The following RABGEF1 variants were observed in gnomAD, a reference collection of about 807,000 sequenced individuals.
The protein encoded by RABGEF1 is rab5 GDP/GTP exchange factor.
In RABGEF1, 26 loss-of-function variants were observed where a neutral mutation model predicts 57.3. The observed-to-expected ratio is 0.45, with a 90% CI of 0.33 to 0.63. The LOEUF (loss-of-function observed/expected upper bound fraction) is 0.63, where lower values mean the gene tolerates loss of function less well. Ranked by LOEUF, RABGEF1 falls within the 20% of genes least tolerant of loss-of-function variation. RABGEF1 has a pLI of 0.02. For synonymous variants in RABGEF1, 185 were observed against 210.7 expected, an observed-to-expected ratio of 0.88 and a Z score of 1.06; for missense variants, 464 against 607.6, an observed-to-expected ratio of 0.76 and a Z score of 2.48.
At chr7:66,728,109 C>T (rs779710184) in intron 2 of RABGEF1, among the ~76,000 whole-genome samples, 1 of 152,160 alleles carries the variant, frequency 6.6e-6, no homozygotes, top group Admixed American at 6.5e-5. Flanking sequence ...CTCAGGGCTC[C>T]TTTGTGTCTG....
At chr7:66,707,164 G>T (rs1390704614) in intron 1 of RABGEF1, among the ~76,000 whole-genome samples, 2 of 152,208 alleles carry the variant, frequency 1.3e-5, no homozygotes, top group East Asian at 3.9e-4. Context: ...ATTAATTTCT[G>T]ATTTCATTCC....
chr7:66,741,995 AAG>A (rs1034024240), intron 1 of RABGEF1, among the ~76,000 whole-genome samples: 254 of 152,156 alleles, frequency 1.7e-3, no homozygotes, highest in African/African-American at 5.8e-3. Flanking sequence ...AAAAAAGAAA[AAG>A]AAAATTTGCC....
intron 2 of RABGEF1, among the ~76,000 whole-genome samples, chr7:66,729,524 T>A (rs191509977): frequency 6.6e-6 from 1 of 152,264 alleles, no homozygotes; most frequent in East Asian, 1.9e-4. Context: ...ACCTTTATCC[T>A]CACCTTCAAC....
rs547945777 is a variant in RABGEF1 at position 66,727,118 on chromosome 7, A to T, written c.-814-12878A>T. Among the ~76,000 whole-genome samples, 8 of 152,370 alleles carry T rather than the reference A, an allele frequency of 5.3e-5. No individual in the cohort carries two copies. The East Asian group carries it at 1.3e-3, about 26-fold the overall frequency. On this transcript the variant is annotated intron_variant and NMD_transcript_variant, in intron 2 of 9. Transcript: ENST00000607882. ...AAATGGGTGAATTGTATGGTGTGTG[A>T]ATTTTATTACAATAAAGCTATTCTT...
At chr7:66,706,153 C>G (rs62466141) in intron 1 of RABGEF1, among the ~76,000 whole-genome samples, 1 of 151,670 alleles carries the variant, frequency 6.6e-6, no homozygotes, top group South Asian at 2.1e-4. Context: ...CCACCCGCCT[C>G]GGCCTCGCAA....
upstream of RABGEF1, among the ~76,000 whole-genome samples, chr7:66,738,148 G>A (rs1798266657): frequency 6.6e-6 from 1 of 151,816 alleles, no homozygotes; most frequent in Admixed American, 6.6e-5. Context: ...GGCCTCCAGA[G>A]TAGCTGGGAT....
chr7:66,710,375 G>A (rs1794635366), intron 1 of RABGEF1, among the ~76,000 whole-genome samples: 1 of 152,190 alleles, frequency 6.6e-6, no homozygotes, highest in African/African-American at 2.4e-5. Context: ...ATGGACACAT[G>A]CTTTCATTTT....
chr7:66,760,166 C>G (rs1437401833), intron 1 of RABGEF1, among the ~76,000 whole-genome samples: 1 of 152,178 alleles, frequency 6.6e-6, no homozygotes, highest in African/African-American at 2.4e-5. Flanking sequence ...CTGCTTACAC[C>G]ATTTTCCTTC....
chr7:66,660,177 CT>C, the RABGEF1 span, among the ~76,000 whole-genome samples: 1 of 151,894 alleles, frequency 6.6e-6, no homozygotes, highest in Non-Finnish European at 1.5e-5. Flanking sequence ...GAAACCCCAT[CT>C]CTACTAAAAA....
the RABGEF1 span, among the ~76,000 whole-genome samples, chr7:66,655,822 C>T: frequency 6.6e-6 from 1 of 152,140 alleles, no homozygotes; most frequent in Non-Finnish European, 1.5e-5. Context: ...AAGAAATGTT[C>T]AGGATTTGAA....
At chr7:66,751,111 A>C (rs1051598115) in intron 1 of RABGEF1, among the ~76,000 whole-genome samples, 2 of 151,140 alleles carry the variant, frequency 1.3e-5, no homozygotes, top group African/African-American at 4.9e-5. Flanking sequence ...GCTCACTGCA[A>C]CCTCCACCTC....
intron 4 of RABGEF1, among the ~76,000 whole-genome samples, chr7:66,792,948 G>A (rs1255365895): frequency 6.6e-6 from 1 of 152,184 alleles, no homozygotes; most frequent in African/African-American, 2.4e-5. Flanking sequence ...GACAGTGGCA[G>A]GGGTGAGTTC....
At chr7:66,783,954 A>G (rs1584079926) in intron 4 of RABGEF1, 113 bp downstream of exon 4, 5 of 1,038,902 alleles carry the variant, frequency 4.8e-6, no homozygotes, top group African/African-American at 1.7e-5. Context: ...AGACCAAGAG[A>G]TGTTAAATTA....
upstream of RABGEF1, among the ~76,000 whole-genome samples, chr7:66,736,654 G>A (rs990942504): frequency 6.6e-6 from 1 of 152,076 alleles, no homozygotes; most frequent in Non-Finnish European, 1.5e-5. Flanking sequence ...GAGGCCACGA[G>A]TTTGAGACCA....
chr7:66,731,997 T>C (rs1330706936), intron 2 of RABGEF1, among the ~76,000 whole-genome samples: 1 of 151,940 alleles, frequency 6.6e-6, no homozygotes, highest in Non-Finnish European at 1.5e-5. Flanking sequence ...GGGGAGGAGA[T>C]GGAAAACAAG....
intron 1 of RABGEF1, among the ~76,000 whole-genome samples, chr7:66,758,871 A>T (rs1583805664): frequency 1.3e-5 from 2 of 152,216 alleles, no homozygotes; most frequent in South Asian, 4.1e-4. Context: ...AAAAACGTTC[A>T]TGTGTGATTT....
chr7:66,732,761 GTC>G lies in RABGEF1; in HGVS notation c.-814-7229_-814-7228del, dbSNP rs550536707. ...TTGCTGTCTCTCTCGCTCTCTTGCTGTCTCTCTTTCTCACTCGCTCTCTCTTG... is the reference window on the plus strand; with the variant it reads ...TTGCTGTCTCTCTCGCTCTCTTGCTGTCTCTTTCTCACTCGCTCTCTCTTG... On this transcript the variant is annotated intron_variant and NMD_transcript_variant, in intron 2 of 9. Transcript: ENST00000607882. 8.0e-4 allele frequency among the ~76,000 whole-genome samples: 121 copies of G among 151,664 alleles called. 3 individuals are homozygous for G. The Middle Eastern group carries it at 0.017, about 21-fold the overall frequency.
rs1344947474 is a variant in RABGEF1 at position 66,781,431 on chromosome 7, A to C, written c.347-2244A>C. Among the ~76,000 whole-genome samples the C allele has an allele frequency of 2.0e-5, 3 of 152,298 alleles. No homozygotes were observed. In the East Asian group the frequency reaches 5.8e-4, roughly 29 times the overall value. On this transcript the variant is annotated intron_variant, in intron 3 of 8. Coordinates refer to ENST00000284957, the MANE Select transcript of RABGEF1 (RefSeq NM_014504.3). ...CAGAATGCAGTTTTGTTACATAGGTATATACGTGCCCTGGTGGTTTGCTGC... is the reference window on the plus strand; with the variant it reads ...CAGAATGCAGTTTTGTTACATAGGTCTATACGTGCCCTGGTGGTTTGCTGC...
intron 1 of RABGEF1, among the ~76,000 whole-genome samples, chr7:66,710,768 A>G (rs1794668608): frequency 1.3e-5 from 2 of 152,204 alleles, no homozygotes; most frequent in African/African-American, 4.8e-5. Context: ...TTTATATATT[A>G]GATACAAGTC....
Sources: gnomAD v4.1 joint callset for allele counts (sites outside exome capture counted in the v4.1 genomes callset) on GRCh38, gnomAD v4.1.1 for gene constraint, MANE v1.5 for transcripts, NCBI Gene and HGNC (gene_info 2026-07-23, HGNC 2026-07-21) for gene names.